Variants in ATP10B observed in about 807,000 individuals in gnomAD.
ATP10B encodes the protein phospholipid-transporting ATPase VB.
A neutral mutation model predicts 141.2 loss-of-function variants in ATP10B; 122 were observed. That is an observed-to-expected ratio of 0.86 (90% confidence interval 0.75 to 1.00). The LOEUF (loss-of-function observed/expected upper bound fraction) is 1.00, where lower values mean the gene tolerates loss of function less well. Among genes scored for constraint, ATP10B ranks in the 50% least tolerant of loss-of-function variants. ATP10B has a pLI of 0.00. For missense variants in ATP10B, 1,876 were observed against 1,825.3 expected (o/e 1.03, Z -0.51); for synonymous variants, 685 against 692.0 (o/e 0.99, Z 0.16).
At chr5:160,653,215 A>T (rs1463263399) in intron 7 of ATP10B, among the ~76,000 whole-genome samples, 1 of 132,216 alleles carries the variant, frequency 7.6e-6, no homozygotes, top group Non-Finnish European at 1.5e-5. Flanking sequence ...ACTATATATC[A>T]TATATACATA....
chr5:160,812,719 AAAAAAAGAAT>A (rs1487197163), intron 1 of ATP10B, among the ~76,000 whole-genome samples: 3 of 132,062 alleles, frequency 2.3e-5, no homozygotes, highest in Admixed American at 1.5e-4. Context: ...GGGACAAAAG[AAAAAAAGAAT>A]AAAAAAGAAT....
chr5:160,855,450 C>A (rs1014165621), upstream of ATP10B, among the ~76,000 whole-genome samples: 1 of 148,586 alleles, frequency 6.7e-6, no homozygotes, highest in Non-Finnish European at 1.5e-5. Flanking sequence ...TTCTTAATGT[C>A]TTTTGCTTAT....
intron 7 of ATP10B, among the ~76,000 whole-genome samples, chr5:160,661,413 G>T (rs1761903473): frequency 6.6e-6 from 1 of 152,114 alleles, no homozygotes; most frequent in Non-Finnish European, 1.5e-5. Flanking sequence ...TGATATCAAA[G>T]AATTGTTGCT....
At chr5:160,822,553 C>T (rs1427479627) in intron 1 of ATP10B, among the ~76,000 whole-genome samples, 1 of 152,052 alleles carries the variant, frequency 6.6e-6, no homozygotes, top group South Asian at 2.1e-4. Context: ...GAAGAAATAT[C>T]TACACTACCA....
chr5:160,776,728 G>A (rs1561842329), intron 2 of ATP10B, among the ~76,000 whole-genome samples: 1 of 152,194 alleles, frequency 6.6e-6, no homozygotes, highest in Non-Finnish European at 1.5e-5. Flanking sequence ...CTTGGCCCAA[G>A]GGAAAGGTTC....
At chr5:160,715,041 GTC>G (rs915731495) in intron 3 of ATP10B, among the ~76,000 whole-genome samples, 6 of 118,006 alleles carry the variant, frequency 5.1e-5, no homozygotes, top group African/African-American at 1.9e-4. Flanking sequence ...GGACACTTAA[GTC>G]TGCAGAGGTT....
In ATP10B at chr5:160,735,097, A is replaced by T. The variant is rs1368593153; in HGVS notation, c.-330-18063T>A. ...AGAAAGAAAGTAGGAAGAGAAGATT[A>T]AAAAAAAAAAAAACACCGGAAAACA... On this transcript the variant is annotated intron_variant, in intron 2 of 25. Coordinates refer to ENST00000327245, the MANE Select transcript of ATP10B (RefSeq NM_025153.3). Among the ~76,000 whole-genome samples the T allele has an allele frequency of 2.2e-5, 3 of 134,044 alleles. No homozygotes were observed. In the East Asian group the frequency reaches 6.7e-4, roughly 30 times the overall value. 87.9% of individuals were successfully genotyped at this position (134,044 alleles called of 152,430 possible).
chr5:160,767,066 T>C lies in ATP10B; in HGVS notation c.-331+18493A>G, dbSNP rs141141653. 5.3e-5 allele frequency among the ~76,000 whole-genome samples: 8 copies of C among 152,090 alleles called. No homozygotes were observed. The East Asian group carries it at 1.5e-3, about 29-fold the overall frequency. The stretch of plus-strand genomic sequence containing the variant: ...GGCCACAATGGAAAAAAAAAAGGAA[T>C]TGTCTTGGGCCACACACAAAATACT... On this transcript the variant is annotated intron_variant, in intron 2 of 25. Transcript: ENST00000327245.
intron 11 of ATP10B, 62 bp downstream of exon 11, chr5:160,636,120 C>T: frequency 6.6e-7 from 1 of 1,505,040 alleles, no homozygotes; most frequent in Non-Finnish European, 8.9e-7. Flanking sequence ...CTTTATTTTA[C>T]AAAGTTGTAG....
At chr5:160,602,786 C>T in intron 20 of ATP10B, 84 bp from the exon 21 acceptor site, 2 of 1,586,256 alleles carry the variant, frequency 1.3e-6, no homozygotes, top group African/African-American at 1.3e-5. Flanking sequence ...TTGCTTTGGT[C>T]TAGGCCTACG....
chr5:160,826,752 A>C (rs1275101337), intron 1 of ATP10B, among the ~76,000 whole-genome samples: 2 of 152,124 alleles, frequency 1.3e-5, no homozygotes, highest in Non-Finnish European at 2.9e-5. Flanking sequence ...AAGGAATTGC[A>C]TTCCTGTGGG....
intron 15 of ATP10B, among the ~76,000 whole-genome samples, chr5:160,618,306 G>T (rs1208156715): frequency 1.3e-5 from 2 of 152,210 alleles, no homozygotes; most frequent in Admixed American, 1.3e-4. Context: ...AGATTCTCAG[G>T]TCCAGTTAAA....
At position 160,563,499 on chromosome 5, in the gene ATP10B, T is replaced by C. The variant is rs1324189634; in HGVS notation, c.*1954A>G. 2 of 152,220 alleles carry C rather than the reference T, an allele frequency of 1.3e-5. No homozygotes were observed. The highest frequency in any genetic ancestry group is 2.9e-5 in the Non-Finnish European group (2 of 68,036). 9.4% of individuals were successfully genotyped at this position (152,220 alleles called of 1,614,324 possible). On this transcript the variant is annotated 3_prime_UTR_variant, in exon 26 of 26. Transcript: ENST00000327245. ...TTATTTTTTAACTTCTCCACCTATT[T>C]TCCCTTTAGCTGTGAAATAAAAATC...
intron 2 of ATP10B, among the ~76,000 whole-genome samples, chr5:160,733,179 T>C (rs187491522): frequency 6.6e-6 from 1 of 152,346 alleles, no homozygotes; most frequent in Non-Finnish European, 1.5e-5. Flanking sequence ...CCTGCTCGGT[T>C]AAATTAATTT....
At chr5:160,878,208 G>A in the ATP10B span, among the ~76,000 whole-genome samples, 41 of 150,990 alleles carry the variant, frequency 2.7e-4, no homozygotes, top group Non-Finnish European at 4.7e-4. Context: ...GAACAGAACA[G>A]AGCCCTCAGA....
chr5:160,839,026 T>C (rs1247697089), intron 1 of ATP10B, among the ~76,000 whole-genome samples: 1 of 152,180 alleles, frequency 6.6e-6, no homozygotes, highest in African/African-American at 2.4e-5. Context: ...ACCATAACTG[T>C]AAGCTTCCTA....
chr5:160,831,496 C>T (rs1016759202), intron 1 of ATP10B, among the ~76,000 whole-genome samples: 2 of 151,996 alleles, frequency 1.3e-5, no homozygotes, highest in African/African-American at 2.4e-5. Context: ...AATCTTGAAA[C>T]AAGAGAAGAA....
Position 160,602,704 on chromosome 5 carries a change from T to A in ATP10B, c.3238-2A>T. Reference sequence around the variant, plus strand: ...GGCAAAGTCGCTGGACATGACAGCCTGAGAGGTGAGAACAGACACATCAGC... The same window carrying A: ...GGCAAAGTCGCTGGACATGACAGCCAGAGAGGTGAGAACAGACACATCAGC... On this transcript the variant is annotated splice_acceptor_variant, in intron 20 of 25. Coordinates refer to ENST00000327245, the MANE Select transcript of ATP10B (RefSeq NM_025153.3). LOFTEE classifies it high-confidence loss of function. The A allele has an allele frequency of 1.2e-6, 2 of 1,613,700 alleles. No homozygotes were observed. Among genetic ancestry groups the A allele is most frequent in the Non-Finnish European group, 1.7e-6 (2 of 1,179,688 alleles).
chr5:160,725,026 G>A (rs899239879), intron 2 of ATP10B, among the ~76,000 whole-genome samples: 8 of 152,172 alleles, frequency 5.3e-5, no homozygotes, highest in Non-Finnish European at 1.2e-4. Flanking sequence ...GCCTAGAATA[G>A]TTCCTTGTAT....
Sources: allele counts gnomAD v4.1 joint callset (sites outside exome capture counted in the v4.1 genomes callset), GRCh38; gene constraint gnomAD v4.1.1; transcripts MANE v1.5; gene names NCBI Gene and HGNC (gene_info 2026-07-23, HGNC 2026-07-21).